The following AGMO variants were observed in gnomAD, a reference collection of about 807,000 sequenced individuals.
The protein encoded by AGMO is alkylglycerol monooxygenase.
AGMO carries 75 observed loss-of-function variants against 60.2 expected under a neutral mutation model. The observed-to-expected ratio is 1.25, with a 90% CI of 1.03 to 1.51. The LOEUF (loss-of-function observed/expected upper bound fraction) is 1.51. AGMO is among the 40% of genes most tolerant of loss of function. AGMO has a pLI of 0.00. For missense variants in AGMO, 763 were observed against 525.5 expected, an observed-to-expected ratio of 1.45 and a Z score of -4.42; for synonymous variants, 261 against 177.1, an observed-to-expected ratio of 1.47 and a Z score of -3.76.
intron 1 of AGMO, among the ~76,000 whole-genome samples, chr7:15,561,395 C>T (rs1338244941): frequency 6.6e-6 from 1 of 152,192 alleles, no homozygotes; most frequent in Non-Finnish European, 1.5e-5. Flanking sequence ...ACAAAGTTTA[C>T]TGATGTGGTG....
chr7:15,185,211 T>C, the AGMO span, among the ~76,000 whole-genome samples: 1 of 152,160 alleles, frequency 6.6e-6, no homozygotes, highest in Non-Finnish European at 1.5e-5. Flanking sequence ...CAATGTTCCA[T>C]TTCAGTTAAA....
chr7:15,548,165 T>C (rs988072540), intron 2 of AGMO, among the ~76,000 whole-genome samples: 6 of 152,170 alleles, frequency 3.9e-5, no homozygotes, highest in Admixed American at 3.3e-4. Flanking sequence ...AACCCATCTG[T>C]ACATCACCGT....
At chr7:15,278,941 G>A (rs375451810) in intron 12 of AGMO, among the ~76,000 whole-genome samples, 10 of 152,168 alleles carry the variant, frequency 6.6e-5, no homozygotes, top group South Asian at 4.1e-4. Flanking sequence ...GCGGGGAGTC[G>A]TGTGGTGTGT....
At chr7:15,523,699 G>A (rs1217146022) in intron 3 of AGMO, among the ~76,000 whole-genome samples, 1 of 152,080 alleles carries the variant, frequency 6.6e-6, no homozygotes, top group Non-Finnish European at 1.5e-5. Context: ...GAGTCAAGGG[G>A]AGGAAGGGAT....
chr7:15,546,997 G>T (rs1247537563), intron 2 of AGMO, among the ~76,000 whole-genome samples: 1 of 152,078 alleles, frequency 6.6e-6, no homozygotes, highest in Non-Finnish European at 1.5e-5. Flanking sequence ...CAAGTTTTAG[G>T]TTAAAAATGG....
intron 12 of AGMO, among the ~76,000 whole-genome samples, chr7:15,203,061 A>G (rs548672061): frequency 7.2e-5 from 11 of 152,260 alleles, no homozygotes; most frequent in African/African-American, 2.6e-4. Flanking sequence ...AATCTAAGCT[A>G]TATTTGGCAC....
intron 3 of AGMO, among the ~76,000 whole-genome samples, chr7:15,459,478 G>C (rs757197585): frequency 8.6e-5 from 13 of 152,040 alleles, no homozygotes; most frequent in Non-Finnish European, 1.9e-4. Context: ...CCTCTCCCCA[G>C]GGAGGCATAG....
chr7:15,185,520 T>C, the AGMO span, among the ~76,000 whole-genome samples: 1 of 152,224 alleles, frequency 6.6e-6, no homozygotes, highest in African/African-American at 2.4e-5. Context: ...AGGTGATCTA[T>C]GGCCCTAGGA....
intron 3 of AGMO, among the ~76,000 whole-genome samples, chr7:15,514,103 C>G (rs1783747228): frequency 6.6e-6 from 1 of 152,160 alleles, no homozygotes; most frequent in Non-Finnish European, 1.5e-5. Context: ...TCCCTAAACA[C>G]CAGTCTTAGA....
chr7:15,287,665 T>C (rs760905655), intron 12 of AGMO, among the ~76,000 whole-genome samples: 8 of 152,188 alleles, frequency 5.3e-5, no homozygotes, highest in African/African-American at 9.7e-5. Context: ...TTTGTCAATA[T>C]GTACATATTT....
chr7:15,287,566 T>C (rs569042514), intron 12 of AGMO, among the ~76,000 whole-genome samples: 1 of 152,190 alleles, frequency 6.6e-6, no homozygotes, highest in Non-Finnish European at 1.5e-5. Flanking sequence ...TTCAGTCAAT[T>C]TATGAAAATT....
chr7:15,493,362 C>CCCAT lies in AGMO; in HGVS notation c.409+51409_409+51410insATGG, dbSNP rs71004386. ...ACACACACACACACACACACACACA[C>CCCAT]TTCTTTTTTTTTTTTTTTTTTTTTT... On this transcript the variant is annotated intron_variant, in intron 3 of 12. Transcript: ENST00000342526. Among the ~76,000 whole-genome samples the CCCAT allele has an allele frequency of 1.4e-4, 14 of 102,260 alleles. 7 individuals carry two copies. The highest frequency in any genetic ancestry group is 4.8e-4 in the Admixed American group (4 of 8,340). 67.1% of individuals were successfully genotyped at this position (102,260 alleles called of 152,430 possible). A position where few individuals can be genotyped will look rare whatever the true frequency, so the allele number is the denominator to read the frequency against.
chr7:15,258,891 G>A (rs763993788), intron 12 of AGMO, among the ~76,000 whole-genome samples: 4 of 152,028 alleles, frequency 2.6e-5, no homozygotes, highest in African/African-American at 9.7e-5. Context: ...ACCACAACAA[G>A]GGAGCACTCC....
At chr7:15,394,060 A>T in intron 6 of AGMO, 53 bp downstream of exon 6, 1 of 1,330,164 alleles carries the variant, frequency 7.5e-7, no homozygotes, top group South Asian at 1.2e-5. Context: ...GGAAAATAAT[A>T]ATGCAATTTT....
chr7:15,322,976 TATG>T (rs1320920432), intron 12 of AGMO, among the ~76,000 whole-genome samples: 3 of 52,750 alleles, frequency 5.7e-5, no homozygotes, highest in African/African-American at 2.2e-4. Flanking sequence ...TGTATATATA[TATG>T]TATTTATTTT....
chr7:15,371,358 C>A (rs532168338), intron 10 of AGMO, among the ~76,000 whole-genome samples: 1 of 151,120 alleles, frequency 6.6e-6, no homozygotes, highest in Admixed American at 6.6e-5. Context: ...GTAGCTGGGA[C>A]TACAGGCACA....
intron 3 of AGMO, among the ~76,000 whole-genome samples, chr7:15,447,953 G>A (rs1282613676): frequency 6.6e-6 from 1 of 152,142 alleles, no homozygotes; most frequent in South Asian, 2.1e-4. Context: ...GGGGGGTTTT[G>A]TTTCTTATAG....
chr7:15,547,667 G>A (rs992447270), intron 2 of AGMO, among the ~76,000 whole-genome samples: 11 of 146,508 alleles, frequency 7.5e-5, no homozygotes, highest in Non-Finnish European at 1.2e-4. Context: ...AGGGTCCTAC[G>A]CCCACGGAGT....
rs1782980866 is a variant in AGMO, at chr7:15,488,569, G to A, written c.409+56203C>T. Among the ~76,000 whole-genome samples, 3 of 152,026 alleles carry A rather than the reference G, an allele frequency of 2.0e-5. No homozygotes were observed. The South Asian group carries it at 6.2e-4, about 31-fold the overall frequency. On this transcript the variant is annotated intron_variant, in intron 3 of 12. Coordinates refer to ENST00000342526, the MANE Select transcript of AGMO (RefSeq NM_001004320.2). ...TTCATCATCTGTTTGGCAAAATATA[G>A]GGAATTATTGGGCTTTGACCTAAAC...
Sources: gnomAD v4.1 joint callset for allele counts (sites outside exome capture counted in the v4.1 genomes callset) on GRCh38, gnomAD v4.1.1 for gene constraint, MANE v1.5 for transcripts, NCBI Gene and HGNC (gene_info 2026-07-23, HGNC 2026-07-21) for gene names.